The following PKP4 variants were observed in gnomAD, a reference collection of about 807,000 sequenced individuals.
The protein encoded by PKP4 is plakophilin-4.
PKP4 carries 90 observed loss-of-function variants against 145.1 expected under a neutral mutation model. The ratio of observed to expected loss-of-function variants is 0.62; its 90% CI spans 0.52 to 0.74. The LOEUF is 0.74. Ranked by LOEUF, PKP4 falls within the 30% of genes least tolerant of loss-of-function variation. PKP4 has a pLI of 0.00. For synonymous variants in PKP4, 563 were observed against 577.2 expected (o/e 0.98, Z 0.35); for missense variants, 1,340 against 1,482.7 (o/e 0.90, Z 1.58).
chr2:158,532,802 T>C (rs2043688160), intron 1 of PKP4, among the ~76,000 whole-genome samples: 1 of 152,272 alleles, frequency 6.6e-6, no homozygotes, highest in African/African-American at 2.4e-5. Context: ...GTTATATTTC[T>C]TTTAAATAAG....
Position 158,466,174 on chromosome 2 carries a change from A to T in PKP4, c.-6+8956A>T, listed in dbSNP as rs142692979. Among the ~76,000 whole-genome samples the T allele has an allele frequency of 4.1e-3, 631 of 152,274 alleles. 1 individual carries two copies. The highest frequency in any genetic ancestry group is 7.2e-3 in the Non-Finnish European group (493 of 68,028). On this transcript the variant is annotated intron_variant, in intron 1 of 21. Transcript: ENST00000389759. ...ACCTCCAGTGGTTCTACATACCTTA[A>T]GTGAATGAATGAGTTTGAATTCTAG...
intron 4 of PKP4, among the ~76,000 whole-genome samples, chr2:158,605,466 C>A (rs1378589269): frequency 1.3e-5 from 2 of 152,166 alleles, no homozygotes; most frequent in South Asian, 2.1e-4. Flanking sequence ...ACTTGACTCA[C>A]AATGCCTTAA....
chr2:158,669,966 C>G, intron 17 of PKP4, 51 bp downstream of exon 17: 1 of 1,425,720 alleles, frequency 7.0e-7, no homozygotes. Context: ...CTGAGATTGT[C>G]CTGTGATGAG....
At chr2:158,514,901 A>G (rs567683322) in intron 1 of PKP4, among the ~76,000 whole-genome samples, 4 of 152,284 alleles carry the variant, frequency 2.6e-5, no homozygotes, top group African/African-American at 9.6e-5. Context: ...AGATTGTGCC[A>G]TTGCACTCCA....
At chr2:158,579,311 A>G (rs1247535092) in intron 3 of PKP4, among the ~76,000 whole-genome samples, 1 of 152,212 alleles carries the variant, frequency 6.6e-6, no homozygotes, top group Non-Finnish European at 1.5e-5. Context: ...CACTAGAGCT[A>G]AGGAATCCAG....
intron 9 of PKP4, among the ~76,000 whole-genome samples, chr2:158,639,721 G>C (rs72942752): frequency 0.19 from 29,304 of 151,944 alleles, 3,642 homozygotes; most frequent in Middle Eastern, 0.35. Context: ...TGAAAAAAAG[G>C]AAAGTATAAA....
chr2:158,542,863 A>G (rs1293650655), intron 2 of PKP4, among the ~76,000 whole-genome samples: 1 of 152,176 alleles, frequency 6.6e-6, no homozygotes, highest in Non-Finnish European at 1.5e-5. Context: ...AAAAATTGTA[A>G]TTGTGAGTAA....
At chr2:158,515,370 G>A (rs1176605505) in intron 1 of PKP4, among the ~76,000 whole-genome samples, 3 of 152,180 alleles carry the variant, frequency 2.0e-5, no homozygotes, top group South Asian at 4.1e-4. Context: ...TGTAGTCCCA[G>A]CCTACTTGAG....
In PKP4 at chr2:158,642,602, T is replaced by A. The variant is rs763824538; in HGVS notation, c.1812T>A (p.Asp604Glu). The change falls in exon 11 of 22, where the codon GAT (aspartate) becomes GAA (glutamate). Residue 604 changes from aspartate to glutamate, a missense_variant. By Grantham distance (45) the Asp-to-Glu change is conservative (BLOSUM62 2). Coordinates refer to ENST00000389759, the MANE Select transcript of PKP4 (RefSeq NM_003628.6). ...ACCTCGTTTTTGGCAAGTCTACAGA[T>A]GAAAATAAAATAGCAATGAAGAATG... The part of the protein sequence containing the change: ...LRNLVFGKST[D>E]ENKIAMKNVG... 1.2e-6 allele frequency: 2 copies of A among 1,613,650 alleles called. No homozygotes were observed. The highest frequency in any genetic ancestry group is 8.5e-7 in the Non-Finnish European group (1 of 1,179,654).
rs181016645 is a variant in PKP4 at position 158,474,612 on chromosome 2, C to T, written c.-6+17394C>T. Among the ~76,000 whole-genome samples, 321 of 152,266 alleles carry T rather than the reference C, an allele frequency of 2.1e-3. 3 individuals are homozygous for T. Among genetic ancestry groups the T allele is most frequent in the Non-Finnish European group, 2.5e-3 (171 of 68,020 alleles). On this transcript the variant is annotated intron_variant, in intron 1 of 21. Coordinates refer to ENST00000389759, the MANE Select transcript of PKP4 (RefSeq NM_003628.6). ...GGAAATGAAAATTTACTGCCTGTTT[C>T]CCATTTGCAATGGTTTTTCACCAGT...
intron 20 of PKP4, among the ~76,000 whole-genome samples, chr2:158,678,162 T>C (rs1028715997): frequency 1.3e-5 from 2 of 152,184 alleles, no homozygotes; most frequent in Non-Finnish European, 2.9e-5. Context: ...TGTTCGAATA[T>C]TGTGTTTCGC....
intron 4 of PKP4, among the ~76,000 whole-genome samples, chr2:158,609,546 CT>C (rs1253143262): frequency 2.6e-5 from 4 of 152,148 alleles, no homozygotes; most frequent in African/African-American, 4.8e-5. Context: ...ACAAATTTGA[CT>C]TGAAAAGCTT....
rs747987985 is a variant in PKP4 at position 158,631,886 on chromosome 2, C to T, written c.1287C>T (p.Asn429=). 4.3e-6 allele frequency: 7 copies of T among 1,614,162 alleles called. No homozygotes were observed. Among genetic ancestry groups the T allele is most frequent in the Non-Finnish European group, 3.4e-6 (4 of 1,180,024 alleles). The change falls in exon 8 of 22, where the codon AAC becomes AAT. Residue 429 remains asparagine, a synonymous_variant. Coordinates refer to ENST00000389759, the MANE Select transcript of PKP4 (RefSeq NM_003628.6). ...TYYSPVYRSP[N]HGTVELQGSQ... Reference sequence around the variant, plus strand: ...ACAGCCCAGTGTACCGCAGCCCAAACCATGGAACTGTGGAGCTCCAAGGAT... The same window carrying T: ...ACAGCCCAGTGTACCGCAGCCCAAATCATGGAACTGTGGAGCTCCAAGGAT...
chr2:158,679,862 C>T (rs1276861536), intron 21 of PKP4, among the ~76,000 whole-genome samples: 1 of 152,238 alleles, frequency 6.6e-6, no homozygotes, highest in South Asian at 2.1e-4. Context: ...TTACAACTTA[C>T]AGCAGAGTTT....
chr2:158,563,214 G>T (rs1559329263), intron 2 of PKP4, among the ~76,000 whole-genome samples: 1 of 152,092 alleles, frequency 6.6e-6, no homozygotes, highest in Non-Finnish European at 1.5e-5. Context: ...GGATTGTAGT[G>T]TGGTTTTACG....
At chr2:158,560,124 C>T (rs1208356362) in intron 2 of PKP4, among the ~76,000 whole-genome samples, 2 of 152,314 alleles carry the variant, frequency 1.3e-5, no homozygotes, top group East Asian at 3.9e-4. Context: ...TCCTCAGCCT[C>T]CCAAAGTGCT....
chr2:158,649,839 CAGG>C (rs2055187225), intron 11 of PKP4, among the ~76,000 whole-genome samples: 1 of 152,224 alleles, frequency 6.6e-6, no homozygotes, highest in Non-Finnish European at 1.5e-5. Context: ...GACCCCAGGC[CAGG>C]TCCTGCAAAT....
chr2:158,564,271 G>T lies in PKP4; in HGVS notation c.133-13000G>T, dbSNP rs80066208. ...AGGCTTTGGGTTTTTAAATTTTGTT[G>T]TGTTTTACTCAGTTCTTCAGTTGAC... On this transcript the variant is annotated intron_variant, in intron 2 of 21. Coordinates refer to ENST00000389759, the MANE Select transcript of PKP4 (RefSeq NM_003628.6). Among the ~76,000 whole-genome samples the T allele has an allele frequency of 8.1e-3, 1,237 of 152,010 alleles. 20 individuals are homozygous for T. Among genetic ancestry groups the T allele is most frequent in the African/African-American group, 0.028 (1,179 of 41,442 alleles).
intron 1 of PKP4, among the ~76,000 whole-genome samples, chr2:158,496,531 T>C (rs1574105807): frequency 6.6e-6 from 1 of 152,154 alleles, no homozygotes; most frequent in East Asian, 1.9e-4. Context: ...TGTCCTCTGG[T>C]CTGAAATATC....
Sources: allele counts gnomAD v4.1 joint callset (sites outside exome capture counted in the v4.1 genomes callset), GRCh38; gene constraint gnomAD v4.1.1; transcripts MANE v1.5; gene names NCBI Gene and HGNC (gene_info 2026-07-23, HGNC 2026-07-21).